FHIT: variants seen among roughly 807,000 people sequenced by gnomAD.
FHIT encodes the protein bis(5'-adenosyl)-triphosphatase.
In FHIT, 19 loss-of-function variants were observed where a neutral mutation model predicts 17.9. The observed-to-expected ratio is 1.06, with a 90% CI of 0.74 to 1.56. FHIT has a LOEUF of 1.56. Ranked by LOEUF, FHIT falls within the 40% of genes most tolerant of loss-of-function variation. The pLI is 0.00. For missense variants in FHIT, 248 were observed against 189.2 expected (o/e 1.31, Z -1.82); for synonymous variants, 81 against 69.7 (o/e 1.16, Z -0.81).
chr3:60,298,355 G>A (rs1708302919), intron 5 of FHIT, among the ~76,000 whole-genome samples: 1 of 151,924 alleles, frequency 6.6e-6, no homozygotes, highest in Admixed American at 6.6e-5. Flanking sequence ...GGCTATCTAG[G>A]GGCCCCAGCC....
At chr3:61,161,052 T>C (rs1576126924) in intron 2 of FHIT, among the ~76,000 whole-genome samples, 1 of 151,946 alleles carries the variant, frequency 6.6e-6, no homozygotes, top group East Asian at 1.9e-4. Context: ...ATTAGAGGCC[T>C]GATTTAGCAA....
chr3:59,810,870 T>C (rs1431661729), intron 8 of FHIT, among the ~76,000 whole-genome samples: 1 of 152,250 alleles, frequency 6.6e-6, no homozygotes, highest in Non-Finnish European at 1.5e-5. Context: ...AGTCAGGTTT[T>C]GAGCCAAGTA....
intron 7 of FHIT, among the ~76,000 whole-genome samples, chr3:59,948,489 C>G (rs1490298523): frequency 2.0e-5 from 3 of 151,082 alleles, no homozygotes; most frequent in African/African-American, 7.3e-5. Flanking sequence ...TGCACTCCAG[C>G]CTGGGCAACA....
chr3:59,959,413 G>T (rs1362303859), intron 7 of FHIT, among the ~76,000 whole-genome samples: 1 of 152,192 alleles, frequency 6.6e-6, no homozygotes, highest in Non-Finnish European at 1.5e-5. Context: ...GAGGTTAAAT[G>T]TATGTAGAAG....
At chr3:61,239,502 C>G (rs1264038141) in intron 1 of FHIT, among the ~76,000 whole-genome samples, 4 of 152,044 alleles carry the variant, frequency 2.6e-5, no homozygotes, top group Non-Finnish European at 5.9e-5. Flanking sequence ...ATTCTCAGCT[C>G]TTTCTGTCTG....
chr3:61,061,279 G>T (rs1051996683), intron 2 of FHIT, among the ~76,000 whole-genome samples: 13 of 152,234 alleles, frequency 8.5e-5, no homozygotes, highest in African/African-American at 2.4e-4. Context: ...TGTTCCTGTT[G>T]TGATATATGT....
At chr3:60,569,108 G>C (rs1389463187) in intron 4 of FHIT, among the ~76,000 whole-genome samples, 3 of 151,528 alleles carry the variant, frequency 2.0e-5, no homozygotes, top group African/African-American at 7.3e-5. Flanking sequence ...TCCTATTACA[G>C]TTTAAGTGTT....
chr3:60,256,665 G>A (rs1706009839), intron 5 of FHIT, among the ~76,000 whole-genome samples: 1 of 152,176 alleles, frequency 6.6e-6, no homozygotes, highest in East Asian at 1.9e-4. Context: ...CTAATCAATT[G>A]ATAACTTTGG....
At chr3:60,764,122 G>A (rs1013052398) in intron 4 of FHIT, among the ~76,000 whole-genome samples, 8 of 152,184 alleles carry the variant, frequency 5.3e-5, no homozygotes, top group Admixed American at 2.6e-4. Context: ...GACATCCAGC[G>A]TGGTATGTTT....
chr3:60,983,135 TTG>T (rs60471009), intron 3 of FHIT, among the ~76,000 whole-genome samples: 65,323 of 148,318 alleles, frequency 0.44, 14,399 homozygotes, highest in Middle Eastern at 0.55. Flanking sequence ...ACCTTCTCTC[TTG>T]TGTGTGTGTG....
At chr3:60,153,395 G>T (rs534228009) in intron 5 of FHIT, among the ~76,000 whole-genome samples, 8 of 151,502 alleles carry the variant, frequency 5.3e-5, no homozygotes, top group African/African-American at 1.7e-4. Context: ...AAGAGGAGGT[G>T]GGGGAGAAAG....
intron 3 of FHIT, among the ~76,000 whole-genome samples, chr3:60,895,657 CCTTCCTTCCTTTCTTT>C (rs1705755698): frequency 1.5e-5 from 2 of 137,206 alleles, no homozygotes; most frequent in African/African-American, 6.4e-5. Flanking sequence ...TTCCCTCCTT[CCTTCCTTCCTTTCTTT>C]CTTTCTTTCT....
At chr3:60,592,192 A>C (rs1261993629) in intron 4 of FHIT, among the ~76,000 whole-genome samples, 1 of 147,606 alleles carries the variant, frequency 6.8e-6, no homozygotes, top group Non-Finnish European at 1.5e-5. Context: ...TTATCTCTCT[A>C]TATATTCTCT....
chr3:60,066,437 G>A (rs1420766185), intron 5 of FHIT, among the ~76,000 whole-genome samples: 1 of 151,954 alleles, frequency 6.6e-6, no homozygotes, highest in Non-Finnish European at 1.5e-5. Flanking sequence ...ATATCTCCAT[G>A]CATGCATTAT....
intron 5 of FHIT, among the ~76,000 whole-genome samples, chr3:60,331,695 A>C (rs1206245792): frequency 1.3e-5 from 2 of 151,970 alleles, no homozygotes; most frequent in Non-Finnish European, 2.9e-5. Context: ...AAAAATACAA[A>C]ATTAGCTGGG....
At chr3:60,137,642 C>T (rs1438644438) in intron 5 of FHIT, among the ~76,000 whole-genome samples, 2 of 152,098 alleles carry the variant, frequency 1.3e-5, no homozygotes, top group Admixed American at 6.5e-5. Flanking sequence ...TTGTAGGCAA[C>T]AATACCTGAA....
chr3:59,936,141 T>C (rs1478929122), intron 7 of FHIT, among the ~76,000 whole-genome samples: 1 of 152,052 alleles, frequency 6.6e-6, no homozygotes, highest in Non-Finnish European at 1.5e-5. Context: ...CAGTATTAAC[T>C]TCATTAAGAG....
In FHIT at chr3:60,871,550, T is replaced by C. The variant is rs114800581; in HGVS notation, c.-110-49539A>G. On this transcript the variant is annotated intron_variant, in intron 3 of 9. Coordinates refer to ENST00000492590, the MANE Select transcript of FHIT (RefSeq NM_002012.4). ...TACTTTCCAAGTTCCAGCCTGTTTATAAAGGACTCTGTATAAATAAGGAAG... is the reference window on the plus strand; with the variant it reads ...TACTTTCCAAGTTCCAGCCTGTTTACAAAGGACTCTGTATAAATAAGGAAG... Among the ~76,000 whole-genome samples, 836 of 152,280 alleles carry C rather than the reference T, an allele frequency of 5.5e-3. 15 individuals carry two copies. The highest frequency in any genetic ancestry group is 0.019 in the African/African-American group (785 of 41,564).
intron 5 of FHIT, among the ~76,000 whole-genome samples, chr3:60,186,418 T>C (rs1702160686): frequency 6.6e-6 from 1 of 152,076 alleles, no homozygotes; most frequent in Admixed American, 6.6e-5. Flanking sequence ...TTGTCAAAGG[T>C]TGACTGAATT....
Sources: gnomAD v4.1 joint callset for allele counts (sites outside exome capture counted in the v4.1 genomes callset) on GRCh38, gnomAD v4.1.1 for gene constraint, MANE v1.5 for transcripts, NCBI Gene and HGNC (gene_info 2026-07-23, HGNC 2026-07-21) for gene names.